CNTN1: variants seen among roughly 807,000 people sequenced by gnomAD.
CNTN1 encodes contactin-1.
Under a neutral mutation model 126.4 loss-of-function variants are expected in CNTN1, and 38 were observed. The ratio of observed to expected loss-of-function variants is 0.30; its 90% CI spans 0.23 to 0.39. The LOEUF (loss-of-function observed/expected upper bound fraction) is 0.39. Ranked by LOEUF, CNTN1 falls within the 10% of genes least tolerant of loss-of-function variation. The probability of loss-of-function intolerance (pLI) is 1.00; values close to 1 mark genes in which losing one functional copy is unlikely to be tolerated. For synonymous variants in CNTN1, 413 were observed against 422.6 expected (o/e 0.98, Z 0.28); for missense variants, 1,009 against 1,248.4 (o/e 0.81, Z 2.89).
chr12:40,925,638 T>G (rs79573325), intron 6 of CNTN1, among the ~76,000 whole-genome samples: 9,178 of 143,122 alleles, frequency 0.064, 356 homozygotes, highest in Middle Eastern at 0.13. Flanking sequence ...TATATATATA[T>G]AGAGAGAGAG....
chr12:40,808,289 G>T (rs1220047917), intron 1 of CNTN1, among the ~76,000 whole-genome samples: 1 of 152,164 alleles, frequency 6.6e-6, no homozygotes, highest in East Asian at 1.9e-4. Flanking sequence ...GAGCTGAGAT[G>T]TGCTGGTAAA....
intron 1 of CNTN1, among the ~76,000 whole-genome samples, chr12:40,837,604 C>A (rs577761341): frequency 6.6e-6 from 1 of 152,326 alleles, no homozygotes; most frequent in African/African-American, 2.4e-5. Flanking sequence ...CATTTTTAAA[C>A]CTAGCTTTTG....
intron 1 of CNTN1, among the ~76,000 whole-genome samples, chr12:40,870,511 C>CA (rs1943448913): frequency 1.3e-5 from 2 of 152,128 alleles, no homozygotes; most frequent in Admixed American, 1.3e-4. Context: ...ATAAGGCACT[C>CA]AATCAGACAG....
At chr12:41,051,975 AGC>A (rs1949697959) in intron 23 of CNTN1, among the ~76,000 whole-genome samples, 1 of 151,510 alleles carries the variant, frequency 6.6e-6, no homozygotes, top group South Asian at 2.1e-4. Context: ...ATTCTCTGTG[AGC>A]AGTGTAGATA....
chr12:40,940,147 TG>T (rs1275033589), intron 12 of CNTN1, among the ~76,000 whole-genome samples: 2 of 151,686 alleles, frequency 1.3e-5, no homozygotes, highest in African/African-American at 4.8e-5. Context: ...GGATGGGAAA[TG>T]GGAGGGATGG....
At chr12:41,006,653 A>G (rs953060283) in intron 17 of CNTN1, among the ~76,000 whole-genome samples, 2 of 152,254 alleles carry the variant, frequency 1.3e-5, no homozygotes, top group African/African-American at 2.4e-5. Context: ...AGGAGCTACA[A>G]TTCAGTAAAA....
At chr12:40,872,670 A>G (rs1434599056) in intron 1 of CNTN1, among the ~76,000 whole-genome samples, 1 of 143,926 alleles carries the variant, frequency 6.9e-6, no homozygotes, top group East Asian at 2.0e-4. Context: ...TCTTGGGTTC[A>G]AGCAATTCTC....
chr12:40,852,479 C>T (rs1258782887), intron 1 of CNTN1, among the ~76,000 whole-genome samples: 1 of 151,986 alleles, frequency 6.6e-6, no homozygotes, highest in East Asian at 1.9e-4. Flanking sequence ...TCCTACATAT[C>T]ATTCATTTAC....
At chr12:40,838,216 G>C (rs536740893) in intron 1 of CNTN1, among the ~76,000 whole-genome samples, 279 of 152,232 alleles carry the variant, frequency 1.8e-3, no homozygotes, top group Non-Finnish European at 3.3e-3. Flanking sequence ...CCTGAAGTTG[G>C]CTCTAAACTC....
At chr12:40,922,465 G>A in intron 5 of CNTN1, 37 bp downstream of exon 5, 2 of 1,581,586 alleles carry the variant, frequency 1.3e-6, no homozygotes, top group South Asian at 1.1e-5. Flanking sequence ...GGGCAAGCGT[G>A]TTTAGGTGAG....
Position 40,864,669 on chromosome 12 carries a change from T to C in CNTN1, c.-76-43688T>C, listed in dbSNP as rs561065148. ...TTGATATTGTATCATGTAAAACTAC[T>C]TCATTCCTTTTTATTACTGTATAAT... On this transcript the variant is annotated intron_variant, in intron 1 of 23. Coordinates refer to ENST00000551295, the MANE Select transcript of CNTN1 (RefSeq NM_001843.4). Among the ~76,000 whole-genome samples the C allele has an allele frequency of 2.6e-5, 4 of 152,334 alleles. No individual in the cohort carries two copies. In the South Asian group the frequency reaches 8.3e-4, roughly 32 times the overall value.
At chr12:40,867,162 G>T (rs184650075) in intron 1 of CNTN1, among the ~76,000 whole-genome samples, 1 of 152,098 alleles carries the variant, frequency 6.6e-6, no homozygotes, top group East Asian at 1.9e-4. Context: ...GAGTTCAATC[G>T]TAAATCACTG....
rs375033731 is a variant in CNTN1 at position 40,735,344 on chromosome 12, CAAAG to C, written c.-77+42760_-77+42763del. On this transcript the variant is annotated intron_variant, in intron 1 of 23. Transcript: ENST00000551295. ...CCTCAAAATACACATTTGGTACACA[CAAAG>C]AAAGAAACGTAACTAGAATATTTTA... Among the ~76,000 whole-genome samples the C allele has an allele frequency of 5.9e-4, 90 of 152,070 alleles. 2 individuals carry two copies. In the South Asian group the frequency reaches 0.015, roughly 25 times the overall value.
At chr12:40,922,157 A>AC (rs1444199340) in intron 4 of CNTN1, 99 bp from the exon 5 acceptor site, 2 of 958,718 alleles carry the variant, frequency 2.1e-6, no homozygotes, top group Non-Finnish European at 3.4e-6. Flanking sequence ...GTCTGACTTC[A>AC]CATGGAGCCG....
intron 17 of CNTN1, among the ~76,000 whole-genome samples, chr12:41,005,883 A>G (rs950075759): frequency 6.6e-6 from 1 of 152,146 alleles, no homozygotes; most frequent in Non-Finnish European, 1.5e-5. Flanking sequence ...TAGCTCAGTA[A>G]TCTTCATTCC....
At chr12:41,053,280 A>G (rs1369763871) in intron 23 of CNTN1, among the ~76,000 whole-genome samples, 10 of 150,686 alleles carry the variant, frequency 6.6e-5, no homozygotes, top group Admixed American at 6.0e-4. Context: ...CTTTCTTTTT[A>G]TAGAGTCACT....
intron 23 of CNTN1, among the ~76,000 whole-genome samples, chr12:41,051,893 AACACACAC>A (rs71078300): frequency 0.063 from 8,411 of 134,504 alleles, 400 homozygotes; most frequent in African/African-American, 0.14. Context: ...ACCCCACACA[AACACACAC>A]ACACACACAC....
intron 6 of CNTN1, among the ~76,000 whole-genome samples, chr12:40,925,608 TGTATATATATATATAC>T (rs1481400222): frequency 6.9e-6 from 1 of 144,864 alleles, no homozygotes; most frequent in African/African-American, 2.5e-5. Flanking sequence ...TATATATACG[TGTATATATATATATAC>T]ACATATATAT....
At chr12:40,751,207 G>A (rs1412661593) in intron 1 of CNTN1, among the ~76,000 whole-genome samples, 1 of 152,016 alleles carries the variant, frequency 6.6e-6, no homozygotes, top group East Asian at 1.9e-4. Flanking sequence ...GAAGAGTGAT[G>A]GGTTTGAAAT....
Sources: allele counts gnomAD v4.1 joint callset (sites outside exome capture counted in the v4.1 genomes callset), GRCh38; gene constraint gnomAD v4.1.1; transcripts MANE v1.5; gene names NCBI Gene and HGNC (gene_info 2026-07-23, HGNC 2026-07-21).